Variants in TRAPPC9 observed in about 807,000 individuals in gnomAD.
The protein encoded by TRAPPC9 is IKK2 binding protein.
Under a neutral mutation model 124.0 loss-of-function variants are expected in TRAPPC9, and 83 were observed. The observed-to-expected ratio is 0.67, with a 90% CI of 0.56 to 0.80. The LOEUF is 0.80. Among genes scored for constraint, TRAPPC9 ranks in the 30% least tolerant of loss-of-function variants. The pLI is 0.00. For missense variants in TRAPPC9, 1,302 were observed against 1,508.3 expected (o/e 0.86, Z 2.27); for synonymous variants, 638 against 617.5 (o/e 1.03, Z -0.49).
chr8:139,817,193 G>C (rs989817464), intron 21 of TRAPPC9, among the ~76,000 whole-genome samples: 2 of 152,098 alleles, frequency 1.3e-5, no homozygotes, highest in Non-Finnish European at 2.9e-5. Context: ...GGTTCACAGC[G>C]CCCCATCTGG....
Position 139,858,826 on chromosome 8 carries a change from G to C in TRAPPC9, c.3055+27053C>G, listed in dbSNP as rs191799651. On this transcript the variant is annotated intron_variant, in intron 21 of 22. Transcript: ENST00000438773. Reference sequence around the variant, plus strand: ...ACTGCGACCGGGACTGTGAATCCGGGGGGGGCACAGTCTGCACACCCTCCC... The same window carrying C: ...ACTGCGACCGGGACTGTGAATCCGGCGGGGGCACAGTCTGCACACCCTCCC... Among the ~76,000 whole-genome samples the C allele has an allele frequency of 1.8e-3, 270 of 150,372 alleles. 1 individual carries two copies. The highest frequency in any genetic ancestry group is 5.9e-3 in the African/African-American group (236 of 40,046).
At chr8:139,824,161 A>T (rs955270826) in intron 21 of TRAPPC9, among the ~76,000 whole-genome samples, 1 of 152,212 alleles carries the variant, frequency 6.6e-6, no homozygotes, top group Non-Finnish European at 1.5e-5. Flanking sequence ...CATTAAAGAA[A>T]GTGGTCAGGT....
chr8:139,965,709 G>A lies in TRAPPC9; in HGVS notation c.2810+23017C>T, dbSNP rs1225430459. Among the ~76,000 whole-genome samples, 3 of 152,246 alleles carry A rather than the reference G, an allele frequency of 2.0e-5. No individual in the cohort carries two copies. The East Asian group carries it at 5.8e-4, about 29-fold the overall frequency. On this transcript the variant is annotated intron_variant, in intron 19 of 22. Coordinates refer to ENST00000438773, the MANE Select transcript of TRAPPC9 (RefSeq NM_001160372.4). ...CCCTGTTCCAGAGACATACCCTAGT[G>A]CAAGGGGAAATACAAACAATGCAAT... is the stretch of plus-strand genomic sequence containing the variant.
At chr8:140,308,653 C>T (rs1014459439) in intron 10 of TRAPPC9, among the ~76,000 whole-genome samples, 5 of 152,028 alleles carry the variant, frequency 3.3e-5, no homozygotes, top group Non-Finnish European at 5.9e-5. Flanking sequence ...GAGGCTGAGG[C>T]GGGCGGATCA....
intron 17 of TRAPPC9, among the ~76,000 whole-genome samples, chr8:140,113,096 G>A (rs1304429590): frequency 2.6e-5 from 4 of 152,206 alleles, no homozygotes; most frequent in African/African-American, 9.7e-5. Context: ...GGGAATTTCA[G>A]GGGTTGGAAA....
At chr8:139,856,714 A>G (rs1256364895) in intron 21 of TRAPPC9, among the ~76,000 whole-genome samples, 1 of 147,942 alleles carries the variant, frequency 6.8e-6, no homozygotes, top group Non-Finnish European at 1.5e-5. Context: ...ATTTCCTCCC[A>G]TGTCAAAAAC....
Position 139,934,646 on chromosome 8 carries a change from G to T in TRAPPC9, c.2811-24346C>A, listed in dbSNP as rs372420473. On this transcript the variant is annotated intron_variant, in intron 19 of 22. Transcript: ENST00000438773. ...ACCTTCAGGAAACTGCCTTCCATCCGCCGAGGAATCTCCAGGCTGCACATG... is the reference window on the plus strand; with the variant it reads ...ACCTTCAGGAAACTGCCTTCCATCCTCCGAGGAATCTCCAGGCTGCACATG... Among the ~76,000 whole-genome samples the T allele has an allele frequency of 2.6e-4, 39 of 152,212 alleles. 1 individual carries two copies. Among genetic ancestry groups the T allele is most frequent in the Admixed American group, 1.4e-3 (22 of 15,294 alleles).
At chr8:140,379,972 G>A (rs1489760896) in intron 7 of TRAPPC9, among the ~76,000 whole-genome samples, 3 of 152,116 alleles carry the variant, frequency 2.0e-5, no homozygotes, top group South Asian at 2.1e-4. Flanking sequence ...TAGGTATCTC[G>A]TGTTCATGGA....
At position 140,337,384 on chromosome 8, in the gene TRAPPC9, C is replaced by T. The variant is rs574317514; in HGVS notation, c.1495+22666G>A. 1.2e-4 allele frequency among the ~76,000 whole-genome samples: 18 copies of T among 152,264 alleles called. No individual in the cohort carries two copies. In the South Asian group the frequency reaches 2.1e-3, roughly 18 times the overall value. On this transcript the variant is annotated intron_variant, in intron 9 of 22. Transcript: ENST00000438773. ...ACTGTTCCTCTACATCCAGAAGGTG[C>T]TGCATTTGAGGAAAGATAAAACAGG... is the stretch of plus-strand genomic sequence containing the variant.
At chr8:140,346,697 C>A (rs1448172381) in intron 9 of TRAPPC9, among the ~76,000 whole-genome samples, 1 of 152,228 alleles carries the variant, frequency 6.6e-6, no homozygotes, top group Non-Finnish European at 1.5e-5. Flanking sequence ...ACCCATCTAA[C>A]TACACCTGTA....
intron 20 of TRAPPC9, among the ~76,000 whole-genome samples, chr8:139,900,948 T>G (rs1299255487): frequency 3.3e-5 from 5 of 151,526 alleles, no homozygotes; most frequent in Non-Finnish European, 7.4e-5. Flanking sequence ...CCTGTAGACC[T>G]GAGGTGTGTG....
At chr8:139,802,986 G>A (rs1341506734) in intron 21 of TRAPPC9, among the ~76,000 whole-genome samples, 1 of 151,922 alleles carries the variant, frequency 6.6e-6, no homozygotes, top group Admixed American at 6.6e-5. Flanking sequence ...TTGTGTGCGT[G>A]TTATGTATGT....
At chr8:139,777,984 G>A (rs934854999) in intron 21 of TRAPPC9, among the ~76,000 whole-genome samples, 19 of 152,120 alleles carry the variant, frequency 1.2e-4, no homozygotes, top group Admixed American at 2.6e-4. Context: ...TGCAGCTGAC[G>A]GGGAAGGAAG....
intron 17 of TRAPPC9, among the ~76,000 whole-genome samples, chr8:140,147,834 C>T (rs927695576): frequency 2.0e-5 from 3 of 152,374 alleles, no homozygotes; most frequent in South Asian, 2.1e-4. Flanking sequence ...CAAAGCAACA[C>T]GGCGGCGGCT....
rs116896297 is a variant in TRAPPC9, at chr8:140,207,341, T to C, written c.2556+14118A>G. 4.3e-3 allele frequency among the ~76,000 whole-genome samples: 653 copies of C among 152,338 alleles called. 1 individual carries two copies. Among genetic ancestry groups the C allele is most frequent in the Non-Finnish European group, 7.5e-3 (511 of 68,036 alleles). Reference sequence around the variant, plus strand: ...ATATTTCTAGGGGTGGGGGATAGAATTCTTTTTGTTTGACGTTGTCTCTAT... The same window carrying C: ...ATATTTCTAGGGGTGGGGGATAGAACTCTTTTTGTTTGACGTTGTCTCTAT... On this transcript the variant is annotated intron_variant, in intron 17 of 22. Coordinates refer to ENST00000438773, the MANE Select transcript of TRAPPC9 (RefSeq NM_001160372.4).
At chr8:140,070,038 G>C (rs1249326034) in intron 17 of TRAPPC9, among the ~76,000 whole-genome samples, 1 of 152,158 alleles carries the variant, frequency 6.6e-6, no homozygotes, top group African/African-American at 2.4e-5. Flanking sequence ...CACACTGACG[G>C]TGGATCTTCA....
chr8:140,008,897 G>A (rs1020203239), intron 18 of TRAPPC9, among the ~76,000 whole-genome samples: 3 of 152,174 alleles, frequency 2.0e-5, no homozygotes, highest in African/African-American at 7.2e-5. Context: ...GAAAGGCTGG[G>A]TATAGGGTGC....
At chr8:140,108,935 T>C (rs2060715274) in intron 17 of TRAPPC9, among the ~76,000 whole-genome samples, 1 of 152,212 alleles carries the variant, frequency 6.6e-6, no homozygotes, top group African/African-American at 2.4e-5. Flanking sequence ...TTTTTTCTTT[T>C]CCTTAGTTTC....
intron 17 of TRAPPC9, among the ~76,000 whole-genome samples, chr8:140,033,546 T>C (rs1323622766): frequency 1.3e-5 from 2 of 151,662 alleles, no homozygotes; most frequent in African/African-American, 4.8e-5. Flanking sequence ...AAAAAATTCA[T>C]TTCCTTTAAG....
Sources: gnomAD v4.1 joint callset for allele counts (sites outside exome capture counted in the v4.1 genomes callset) on GRCh38, gnomAD v4.1.1 for gene constraint, MANE v1.5 for transcripts, NCBI Gene and HGNC (gene_info 2026-07-23, HGNC 2026-07-21) for gene names.